Variants in PCDHA1 observed in about 807,000 individuals in gnomAD.
The protein encoded by PCDHA1 is protocadherin alpha 1.
In PCDHA1, 42 loss-of-function variants were observed where a neutral mutation model predicts 61.3. The observed-to-expected ratio is 0.69, with a 90% CI of 0.54 to 0.89. PCDHA1 has a LOEUF of 0.89. Among genes scored for constraint, PCDHA1 ranks in the 40% least tolerant of loss-of-function variants. The pLI, the probability that PCDHA1 is intolerant of heterozygous loss-of-function variation, is 0.00. For missense variants in PCDHA1, 1,256 were observed against 1,235.3 expected (o/e 1.02, Z -0.25); for synonymous variants, 610 against 553.8 (o/e 1.10, Z -1.43).
chr5:140,795,275 T>A, intron 1 of PCDHA1: 1 of 1,614,244 alleles, frequency 6.2e-7, no homozygotes, highest in Non-Finnish European at 8.5e-7. Flanking sequence ...GAATGTAGCA[T>A]CCACGTGGAG....
At chr5:140,858,263 T>A (rs781901851) in intron 1 of PCDHA1, 1 of 1,596,360 alleles carries the variant, frequency 6.3e-7, no homozygotes, top group Non-Finnish European at 8.6e-7. Flanking sequence ...CACGCTGGTG[T>A]GCTCTAGCGC....
chr5:141,004,346 G>C (rs2098162740), intron 3 of PCDHA1, among the ~76,000 whole-genome samples: 1 of 152,212 alleles, frequency 6.6e-6, no homozygotes, highest in Non-Finnish European at 1.5e-5. Context: ...GTCTGTGAGG[G>C]ACTGGAGAGA....
intron 1 of PCDHA1, among the ~76,000 whole-genome samples, chr5:140,886,130 C>T (rs2060865178): frequency 6.6e-6 from 1 of 152,144 alleles, no homozygotes; most frequent in African/African-American, 2.4e-5. Flanking sequence ...TCCGTAACAA[C>T]CAGATTCTTG....
At chr5:140,936,869 A>C (rs1249048598) in intron 1 of PCDHA1, among the ~76,000 whole-genome samples, 3 of 152,168 alleles carry the variant, frequency 2.0e-5, no homozygotes, top group Non-Finnish European at 4.4e-5. Context: ...TTCTATTTTA[A>C]AAAACCCTGC....
At chr5:140,876,555 G>A (rs782622293) in intron 1 of PCDHA1, 18 of 1,614,072 alleles carry the variant, frequency 1.1e-5, no homozygotes, top group Admixed American at 3.3e-5. Flanking sequence ...CTGTGCAAGA[G>A]GATGCTCAGG....
chr5:141,006,535 G>A (rs1473022946), intron 3 of PCDHA1, among the ~76,000 whole-genome samples: 1 of 152,118 alleles, frequency 6.6e-6, no homozygotes, highest in Non-Finnish European at 1.5e-5. Context: ...TTTTTAAAGA[G>A]AGACATTAAG....
intron 1 of PCDHA1, among the ~76,000 whole-genome samples, chr5:140,872,205 A>AT (rs1554166067): frequency 6.6e-6 from 1 of 151,936 alleles, no homozygotes; most frequent in Non-Finnish European, 1.5e-5. Context: ...TCATAAATTC[A>AT]TTATATATGA....
intron 1 of PCDHA1, chr5:140,860,447 A>T (rs1242809569): frequency 6.6e-6 from 1 of 152,198 alleles, no homozygotes; most frequent in East Asian, 1.9e-4. Context: ...TTTCATATTA[A>T]TTCACGTGAT....
intron 1 of PCDHA1, chr5:140,884,353 T>C: frequency 1.2e-6 from 2 of 1,613,886 alleles, no homozygotes; most frequent in Non-Finnish European, 1.7e-6. Context: ...CGCTGGTGGA[T>C]GTCAATGTTT....
In PCDHA1 at chr5:140,787,785, G is replaced by T. The variant is rs782699425; in HGVS notation, c.1495G>T (p.Val499Leu). 9.9e-6 allele frequency: 16 copies of T among 1,612,794 alleles called. No individual in the cohort carries two copies. The highest frequency in any genetic ancestry group is 4.5e-5 in the East Asian group (2 of 44,878). ...GTCCTATTCGCTGGTGGAACGGCGG[G>T]TGGGCGAGCGCGCGCTGTCGAACTA... is the stretch of plus-strand genomic sequence containing the variant. ...LVSYSLVERR[V>L]GERALSNYVS... is the part of the protein sequence containing the mutation. Residue 499 changes from valine to leucine, a missense_variant, in exon 1 of 4, where the codon GTG becomes TTG. Physicochemically the swap from Val to Leu is conservative, Grantham distance 32. Transcript: ENST00000504120.
intron 1 of PCDHA1, chr5:140,797,449 T>A: frequency 7.5e-7 from 1 of 1,326,536 alleles, no homozygotes; most frequent in South Asian, 1.4e-5. Flanking sequence ...GTTCTTCATT[T>A]ATTTTATATC....
chr5:140,971,236 G>A (rs1384010579), intron 1 of PCDHA1, among the ~76,000 whole-genome samples: 2 of 152,088 alleles, frequency 1.3e-5, no homozygotes, highest in East Asian at 3.9e-4. Flanking sequence ...AAAGCTTGGG[G>A]CAATTTGATA....
chr5:140,875,206 A>G (rs1554167551), intron 1 of PCDHA1: 2 of 644,508 alleles, frequency 3.1e-6, no homozygotes, highest in South Asian at 3.9e-5. Context: ...AAGTGGCTAA[A>G]CCGAAAAGAA....
chr5:140,861,362 C>T (rs2046877441), intron 1 of PCDHA1: 11 of 354,006 alleles, frequency 3.1e-5, no homozygotes, highest in South Asian at 2.4e-4. Context: ...ATAGCGTCTT[C>T]GCGGTCCCTA....
At chr5:140,840,727 A>G (rs1199707180) in intron 1 of PCDHA1, among the ~76,000 whole-genome samples, 1 of 152,100 alleles carries the variant, frequency 6.6e-6, no homozygotes, top group Admixed American at 6.5e-5. Flanking sequence ...AATAAAGAAA[A>G]GCAAAAATTT....
At position 140,943,102 on chromosome 5, in the gene PCDHA1, A is replaced by G. The variant is rs142380810; in HGVS notation, c.2395-35847A>G. 2.6e-3 allele frequency among the ~76,000 whole-genome samples: 391 copies of G among 151,972 alleles called. 4 individuals are homozygous for G. In the East Asian group the frequency reaches 0.045, roughly 17 times the overall value. ...TGAAATCCTGCCTCTACTAAAAAAT[A>G]CAAAAATTAGCCAGGTGTGGTAGTG... On this transcript the variant is annotated intron_variant, in intron 1 of 3. Transcript: ENST00000504120.
chr5:140,983,378 G>A (rs782292944), intron 3 of PCDHA1, among the ~76,000 whole-genome samples: 1 of 152,162 alleles, frequency 6.6e-6, no homozygotes, highest in Non-Finnish European at 1.5e-5. Flanking sequence ...GAGGCCCATC[G>A]CTGTGGCAGT....
intron 1 of PCDHA1, among the ~76,000 whole-genome samples, chr5:140,972,578 C>A (rs1554234223): frequency 6.6e-6 from 1 of 151,798 alleles, no homozygotes; most frequent in Non-Finnish European, 1.5e-5. Flanking sequence ...GGCAATAGGG[C>A]AGAATTTCTC....
intron 1 of PCDHA1, chr5:140,829,549 G>A (rs2150169844): frequency 6.2e-7 from 1 of 1,612,924 alleles, no homozygotes; most frequent in Non-Finnish European, 8.5e-7. Flanking sequence ...ACGCGCAGGA[G>A]AACGCGCTGG....
Sources: allele counts gnomAD v4.1 joint callset (sites outside exome capture counted in the v4.1 genomes callset), GRCh38; gene constraint gnomAD v4.1.1; transcripts MANE v1.5; gene names NCBI Gene and HGNC (gene_info 2026-07-23, HGNC 2026-07-21).